The following TENM4 variants were observed in gnomAD, a reference collection of about 807,000 sequenced individuals.
The protein encoded by TENM4 is teneurin-4.
A neutral mutation model predicts 243.3 loss-of-function variants in TENM4; 82 were observed. That is an observed-to-expected ratio of 0.34 (90% CI 0.28 to 0.40). TENM4 has a LOEUF of 0.40. Ranked by LOEUF, TENM4 falls within the 10% of genes least tolerant of loss-of-function variation. The pLI is 1.00. For synonymous variants in TENM4, 1,412 were observed against 1,456.3 expected, an observed-to-expected ratio of 0.97 and a Z score of 0.69; for missense variants, 3,138 against 3,673.3, an observed-to-expected ratio of 0.85 and a Z score of 3.77.
intron 1 of TENM4, among the ~76,000 whole-genome samples, chr11:79,429,787 C>A (rs1307404822): frequency 1.3e-5 from 2 of 152,134 alleles, no homozygotes; most frequent in Non-Finnish European, 2.9e-5. Flanking sequence ...ACTTCTAAAG[C>A]TTTGGAAATA....
At chr11:78,942,835 CAGTG>C (rs1856931598) in intron 6 of TENM4, among the ~76,000 whole-genome samples, 1 of 146,862 alleles carries the variant, frequency 6.8e-6, no homozygotes, top group Non-Finnish European at 1.5e-5. Context: ...AAAAAAGGCT[CAGTG>C]AGGGAGGTAA....
At chr11:78,973,065 G>T (rs1034178673) in intron 6 of TENM4, among the ~76,000 whole-genome samples, 4 of 152,246 alleles carry the variant, frequency 2.6e-5, no homozygotes, top group Admixed American at 2.0e-4. Flanking sequence ...GCCACATTTT[G>T]TTATCCATTA....
Position 79,413,201 on chromosome 11 carries a change from T to C in TENM4, c.-321+27308A>G, listed in dbSNP as rs1011562894. On this transcript the variant is annotated intron_variant, in intron 1 of 33. Coordinates refer to ENST00000278550, the MANE Select transcript of TENM4 (RefSeq NM_001098816.3). ...AAAAACACACATTCTGGGCACCTTG[T>C]GTTCCAAATCTGCCCTCATTTCATC... Among the ~76,000 whole-genome samples the C allele has an allele frequency of 4.6e-5, 7 of 152,358 alleles. 1 individual carries two copies. Among genetic ancestry groups the C allele is most frequent in the African/African-American group, 1.7e-4 (7 of 41,588 alleles).
rs1858270954 is a variant in TENM4 at position 78,669,841 on chromosome 11, G to T, written c.6504C>A (p.Val2168=). 6.2e-7 allele frequency: 1 copy of T among 1,613,770 alleles called. No homozygotes were observed. Among genetic ancestry groups the T allele is most frequent in the Non-Finnish European group, 8.5e-7 (1 of 1,179,872 alleles). ...IFRSLMYWMT[V]QYDNMGRVVK... ...CTACTCGCCCCATGTTATCATACTGGACGGTCATCCAGTACATGAGCGAGC... is the reference window on the plus strand; with the variant it reads ...CTACTCGCCCCATGTTATCATACTGTACGGTCATCCAGTACATGAGCGAGC... The change falls in exon 32 of 34, where the codon GTC becomes GTA. Residue 2168 remains valine, a synonymous_variant. Transcript: ENST00000278550. The surrounding 1 kb of genome is among the most constrained non-coding windows in gnomAD (Gnocchi z 6.4).
chr11:78,815,792 AC>A (rs1857593473), intron 12 of TENM4, among the ~76,000 whole-genome samples: 1 of 152,250 alleles, frequency 6.6e-6, no homozygotes, highest in Non-Finnish European at 1.5e-5. Flanking sequence ...ACAAAACAAA[AC>A]AAAACAAAAC....
intron 6 of TENM4, among the ~76,000 whole-genome samples, chr11:78,975,744 G>C (rs1200865149): frequency 6.6e-6 from 1 of 151,418 alleles, no homozygotes; most frequent in East Asian, 1.9e-4. Flanking sequence ...AGGAATGATG[G>C]GGGTATTAGG....
At chr11:78,843,191 T>C (rs1056428166) in intron 12 of TENM4, among the ~76,000 whole-genome samples, 1 of 152,138 alleles carries the variant, frequency 6.6e-6, no homozygotes, top group African/African-American at 2.4e-5. Context: ...GGCAAGAGAA[T>C]TGCTTGAACC....
Position 78,817,502 on chromosome 11 carries a change from G to T in TENM4, c.1682-3107C>A, listed in dbSNP as rs184688642. Among the ~76,000 whole-genome samples, 290 of 152,348 alleles carry T rather than the reference G, an allele frequency of 1.9e-3. 1 individual carries two copies. Among genetic ancestry groups the T allele is most frequent in the African/African-American group, 6.7e-3 (277 of 41,598 alleles). On this transcript the variant is annotated intron_variant, in intron 12 of 33. Coordinates refer to ENST00000278550, the MANE Select transcript of TENM4 (RefSeq NM_001098816.3). ...GCAAGGCTTAGGCTGGGGACCTGAA[G>T]ATCTCTATTCTCCATTGGCTTTACT...
chr11:79,408,916 C>A (rs1409131648), intron 1 of TENM4, among the ~76,000 whole-genome samples: 1 of 152,150 alleles, frequency 6.6e-6, no homozygotes, highest in Non-Finnish European at 1.5e-5. Context: ...AAGCTCATAG[C>A]AGAATTAATA....
intron 4 of TENM4, among the ~76,000 whole-genome samples, chr11:79,138,389 A>AAT (rs1862160426): frequency 8.3e-6 from 1 of 120,066 alleles, no homozygotes; most frequent in African/African-American, 3.3e-5. Flanking sequence ...TATATTATAT[A>AAT]ATATAGTTAT....
At chr11:78,665,663 C>T (rs1423645332) in intron 32 of TENM4, among the ~76,000 whole-genome samples, 1 of 152,174 alleles carries the variant, frequency 6.6e-6, no homozygotes, top group Non-Finnish European at 1.5e-5. Context: ...AGTTCTAATC[C>T]AGCCTTGCCA....
chr11:79,012,836 T>C (rs540568243), intron 6 of TENM4, among the ~76,000 whole-genome samples: 6 of 152,262 alleles, frequency 3.9e-5, no homozygotes, highest in African/African-American at 1.4e-4. Flanking sequence ...ATGGCACCAG[T>C]GCACTCCATC....
At chr11:78,908,165 A>G (rs1856104093) in intron 6 of TENM4, among the ~76,000 whole-genome samples, 1 of 152,214 alleles carries the variant, frequency 6.6e-6, no homozygotes, top group Non-Finnish European at 1.5e-5. Context: ...AGCCGTATGT[A>G]AGAGAAAGAG....
chr11:78,726,110 T>C lies in TENM4; in HGVS notation c.3519A>G (p.Leu1173=). 1 of 1,614,044 alleles carries C rather than the reference T, an allele frequency of 6.2e-7. No homozygotes were observed. Among genetic ancestry groups the C allele is most frequent in the South Asian group, 1.1e-5 (1 of 91,074 alleles). ...IDASKLGGWS[L]DKHHALNIQS... is the part of the protein sequence containing the mutation. ...GAATGTTGAGGGCATGATGTTTGTC[T>C]AGGCTCCATCCTCCAAGCTTGGACG... Residue 1173 remains leucine, a synonymous_variant, in exon 23 of 34, where the codon CTA becomes CTG. Coordinates refer to ENST00000278550, the MANE Select transcript of TENM4 (RefSeq NM_001098816.3).
chr11:78,694,167 T>C (rs1297676375), intron 28 of TENM4, among the ~76,000 whole-genome samples: 1 of 152,204 alleles, frequency 6.6e-6, no homozygotes, highest in East Asian at 1.9e-4. Flanking sequence ...AAACGCCGAA[T>C]TGCCCTCTGA....
chr11:79,336,740 G>A (rs1857154205), intron 1 of TENM4, among the ~76,000 whole-genome samples: 1 of 152,206 alleles, frequency 6.6e-6, no homozygotes, highest in Non-Finnish European at 1.5e-5. Context: ...ACATATTTGA[G>A]TTTCTCTCTA....
intron 4 of TENM4, among the ~76,000 whole-genome samples, chr11:79,085,950 A>G (rs1180827754): frequency 6.6e-6 from 1 of 152,196 alleles, no homozygotes; most frequent in African/African-American, 2.4e-5. Context: ...TACTATGTAC[A>G]GTCACCAATA....
intron 4 of TENM4, among the ~76,000 whole-genome samples, chr11:79,099,150 C>T (rs1861158891): frequency 6.6e-6 from 1 of 152,146 alleles, no homozygotes; most frequent in African/African-American, 2.4e-5. Flanking sequence ...TGGAGGAGCT[C>T]CGTTCCTTAG....
intron 21 of TENM4, 114 bp from the exon 22 acceptor site, chr11:78,729,757 G>T: frequency 7.4e-7 from 1 of 1,358,338 alleles, no homozygotes; most frequent in Non-Finnish European, 9.9e-7. Flanking sequence ...AAAGGCAGAA[G>T]GAGAGAGGAG....
Sources: gnomAD v4.1 joint callset for allele counts (sites outside exome capture counted in the v4.1 genomes callset) on GRCh38, gnomAD v4.1.1 for gene constraint, Gnocchi (gnomAD v3.1) non-coding constraint, MANE v1.5 for transcripts, NCBI Gene and HGNC (gene_info 2026-07-23, HGNC 2026-07-21) for gene names.